The following HTR3A variants were observed in gnomAD, a reference collection of about 807,000 sequenced individuals.
HTR3A encodes the protein 5-hydroxytryptamine receptor 3A, also known as 5-hydroxytryptamine (serotonin) receptor 3A, ionotropic.
In HTR3A, 45 loss-of-function variants were observed where a neutral mutation model predicts 54.8. The ratio of observed to expected loss-of-function variants is 0.82; its 90% CI spans 0.65 to 1.05. The LOEUF (loss-of-function observed/expected upper bound fraction) is 1.05. Among genes scored for constraint, HTR3A ranks in the 50% least tolerant of loss-of-function variants. The probability of loss-of-function intolerance (pLI) is 0.00; values close to 1 mark genes in which losing one functional copy is unlikely to be tolerated. For missense variants in HTR3A, 657 were observed against 614.0 expected, an observed-to-expected ratio of 1.07 and a Z score of -0.74; for synonymous variants, 297 against 256.0, an observed-to-expected ratio of 1.16 and a Z score of -1.53.
In HTR3A at chr11:113,989,917, C is replaced by A; in HGVS notation, c.*154C>A. The A allele has an allele frequency of 2.3e-6, 2 of 881,214 alleles. No homozygotes were observed. Among genetic ancestry groups the A allele is most frequent in the Non-Finnish European group, 1.8e-6 (1 of 547,432 alleles). 54.6% of individuals were successfully genotyped at this position (881,214 alleles called of 1,614,324 possible). A position where few individuals can be genotyped will look rare whatever the true frequency, so the allele number is the denominator to read the frequency against. ...TGTTTCCAATGCCAATTCATCTCAGCAATCACAAGCCAAGGTCTGAACCCT... is the reference window on the plus strand; with the variant it reads ...TGTTTCCAATGCCAATTCATCTCAGAAATCACAAGCCAAGGTCTGAACCCT... On this transcript the variant is annotated 3_prime_UTR_variant, in exon 9 of 9. Coordinates refer to ENST00000504030, the MANE Select transcript of HTR3A (RefSeq NM_000869.6). This position sits in a 1 kb window ranked among gnomAD's most constrained non-coding sequence, Gnocchi z 4.4.
At position 113,989,965 on chromosome 11, in the gene HTR3A, A is replaced by G. The variant is rs909147793; in HGVS notation, c.*202A>G. 2.8e-6 allele frequency: 2 copies of G among 708,820 alleles called. No individual in the cohort carries two copies. Among genetic ancestry groups the G allele is most frequent in the Non-Finnish European group, 2.5e-6 (1 of 395,266 alleles). The allele number at this position is 708,820 out of a possible 1,614,324, so 43.9% of individuals were successfully genotyped here. A position where few individuals can be genotyped will look rare whatever the true frequency, so the allele number is the denominator to read the frequency against. On this transcript the variant is annotated 3_prime_UTR_variant, in exon 9 of 9. Coordinates refer to ENST00000504030, the MANE Select transcript of HTR3A (RefSeq NM_000869.6). The surrounding 1 kb of genome is among the most constrained non-coding windows in gnomAD (Gnocchi z 4.4). ...CCTTCCACCAAAAACTGGGTGTTCA[A>G]GGCCCTTACACCCTTGTCCCACCCC...
chr11:113,989,342 G>A lies in HTR3A; in HGVS notation c.1139-123G>A. Reference sequence around the variant, plus strand: ...CACACCACTGCCCTCCAGCCTGGGTGACAGAGTGAGAAAAAAAAAGTTATT... The same window carrying A: ...CACACCACTGCCCTCCAGCCTGGGTAACAGAGTGAGAAAAAAAAAGTTATT... On this transcript the variant is annotated intron_variant, in intron 8 of 8. Transcript: ENST00000504030. The surrounding 1 kb of genome is among the most constrained non-coding windows in gnomAD (Gnocchi z 4.4). 9.3e-7 allele frequency: 1 copy of A among 1,071,718 alleles called. No individual in the cohort carries two copies. The highest frequency in any genetic ancestry group is 1.4e-6 in the Non-Finnish European group (1 of 701,740). The allele number at this position is 1,071,718 out of a possible 1,614,324, so 66.4% of individuals were successfully genotyped here.
In HTR3A at chr11:113,975,351, T is replaced by G; in HGVS notation, c.26T>G (p.Leu9Arg). Residue 9 changes from leucine to arginine, a missense_variant, in exon 1 of 9, where the codon CTG (leucine) becomes CGG (arginine). Leu to Arg is a moderately radical substitution (Grantham distance 102, BLOSUM62 -2). Transcript: ENST00000504030. ...ATGCTGCTGTGGGTCCAGCAGGCGC[T>G]GCTCGCCTTGCTCCTCCCCACACTC... MLLWVQQA[L>R]LALLLPTLLA... The G allele has an allele frequency of 1.2e-6, 2 of 1,613,356 alleles. No individual in the cohort carries two copies. Among genetic ancestry groups the G allele is most frequent in the Non-Finnish European group, 1.7e-6 (2 of 1,180,012 alleles).
chr11:113,989,556 G>A lies in HTR3A; in HGVS notation c.1230G>A (p.Glu410=), dbSNP rs1335135753. 1 of 1,614,094 alleles carries A rather than the reference G, an allele frequency of 6.2e-7. No homozygotes were observed. Among genetic ancestry groups the A allele is most frequent in the Non-Finnish European group, 8.5e-7 (1 of 1,180,046 alleles). ...GTAGCCCTCCCCCACCACCTCGGGAGGCCTCGCTGGCGGTGTGTGGGCTGC... is the reference window on the plus strand; with the variant it reads ...GTAGCCCTCCCCCACCACCTCGGGAAGCCTCGCTGGCGGTGTGTGGGCTGC... The part of the protein sequence containing the change: ...DRCSPPPPPR[E]ASLAVCGLLQ... Residue 410 remains glutamate (E), a synonymous_variant, in exon 9 of 9, where the codon GAG becomes GAA. Transcript: ENST00000504030. This position sits in a 1 kb window ranked among gnomAD's most constrained non-coding sequence, Gnocchi z 4.4.
intron 4 of HTR3A, among the ~76,000 whole-genome samples, chr11:113,981,670 A>C (rs561764340): frequency 6.6e-6 from 1 of 152,128 alleles, no homozygotes; most frequent in Non-Finnish European, 1.5e-5. Flanking sequence ...AAAAAAATGG[A>C]GCACTTGGCC....
intron 3 of HTR3A, 120 bp downstream of exon 3, chr11:113,979,397 A>ACAC: frequency 1.3e-6 from 1 of 766,176 alleles, no homozygotes; most frequent in Non-Finnish European, 2.3e-6. Context: ...GGGCACCCTC[A>ACAC]GCCTGAGATC....
chr11:113,981,007 T>C (rs1319063643), intron 3 of HTR3A, 196 bp from the exon 4 acceptor site: 9 of 600,728 alleles, frequency 1.5e-5, no homozygotes, highest in Admixed American at 5.1e-5. Context: ...TTGTTATGTG[T>C]GGAGGCAGAG....
At position 113,986,596 on chromosome 11, in the gene HTR3A, G is replaced by A. The variant is rs967772544; in HGVS notation, c.784G>A (p.Val262Met). 23 of 1,613,528 alleles carry A rather than the reference G, an allele frequency of 1.4e-5. No homozygotes were observed. The highest frequency in any genetic ancestry group is 3.3e-5 in the Admixed American group (2 of 60,020). Residue 262 changes from valine to methionine, a missense_variant, in exon 7 of 9, where the codon GTG (valine) becomes ATG (methionine). By Grantham distance (21) the Val-to-Met change is conservative (BLOSUM62 1). Transcript: ENST00000504030. ...PSIFLMVMDIVGFYLPPNSGE... is the reference protein window; with the variant it reads ...PSIFLMVMDIMGFYLPPNSGE... ...CATCTTCCTCATGGTCATGGACATC[G>A]TGGGCTTCTACCTGCCCCCCAACAG...
At position 113,990,185 on chromosome 11, in the gene HTR3A, A is replaced by G. The variant is rs1195003386; in HGVS notation, c.*422A>G. On this transcript the variant is annotated 3_prime_UTR_variant, in exon 9 of 9. Coordinates refer to ENST00000504030, the MANE Select transcript of HTR3A (RefSeq NM_000869.6). Reference sequence around the variant, plus strand: ...AACTCTCTACTACACAGGCCTGATAACTCTGTACGAGGCTTCTCTAACCCC... The same window carrying G: ...AACTCTCTACTACACAGGCCTGATAGCTCTGTACGAGGCTTCTCTAACCCC... 4.4e-6 allele frequency: 2 copies of G among 456,742 alleles called. No individual in the cohort carries two copies. The highest frequency in any genetic ancestry group is 8.7e-6 in the Non-Finnish European group (2 of 228,904). The allele number at this position is 456,742 out of a possible 1,614,324, so 28.3% of individuals were successfully genotyped here.
rs2137584943 is a variant in HTR3A, at chr11:113,986,805, C to T, written c.917-20C>T. The T allele has an allele frequency of 6.2e-7, 1 of 1,614,156 alleles. No individual in the cohort carries two copies. Among genetic ancestry groups the T allele is most frequent in the Non-Finnish European group, 8.5e-7 (1 of 1,180,020 alleles). ...CCCACCTCCTGCATGTGTCTCTTGC[C>T]TCTGCCCTGGGCTGCACAGGTGTCT... On this transcript the variant is annotated intron_variant, in intron 7 of 8. Transcript: ENST00000504030.
intron 1 of HTR3A, chr11:113,977,421 T>C (rs546438774): frequency 1.3e-6 from 1 of 792,098 alleles, no homozygotes; most frequent in East Asian, 2.7e-5. Flanking sequence ...AGCTTCCTTG[T>C]TGCTCCCCAG....
At chr11:113,987,488 T>A (rs921093967) in intron 8 of HTR3A, among the ~76,000 whole-genome samples, 4 of 152,136 alleles carry the variant, frequency 2.6e-5, no homozygotes, top group African/African-American at 7.2e-5. Context: ...ATCCCAGCAC[T>A]TTGGGAGGCC....
In HTR3A at chr11:113,975,267, G is replaced by T; in HGVS notation, c.-59G>T. The stretch of plus-strand genomic sequence containing the variant: ...AGGTTGGCAGAGGGCAGGCAAGCTG[G>T]CCCTTGGTGGGCCTCGTCCTGAGCA... On this transcript the variant is annotated 5_prime_UTR_variant, in exon 1 of 9. Coordinates refer to ENST00000504030, the MANE Select transcript of HTR3A (RefSeq NM_000869.6). The T allele has an allele frequency of 6.4e-7, 1 of 1,573,150 alleles. No homozygotes were observed. The highest frequency in any genetic ancestry group is 8.7e-7 in the Non-Finnish European group (1 of 1,148,406).
chr11:113,988,021 T>C (rs1950512624), intron 8 of HTR3A, among the ~76,000 whole-genome samples: 2 of 152,220 alleles, frequency 1.3e-5, no homozygotes, highest in African/African-American at 4.8e-5. Context: ...CTATAGAGAA[T>C]TTGCTTGTCC....
chr11:113,984,125 C>T (rs532849385), intron 5 of HTR3A, among the ~76,000 whole-genome samples: 38 of 152,140 alleles, frequency 2.5e-4, no homozygotes, highest in Non-Finnish European at 4.7e-4. Flanking sequence ...CCCACAGCTG[C>T]TCCCCCCAAC....
In HTR3A at chr11:113,986,659, G is replaced by A. The variant is rs1950496088; in HGVS notation, c.847G>A (p.Gly283Ser). The A allele has an allele frequency of 6.2e-7, 1 of 1,613,952 alleles. No individual in the cohort carries two copies. Among genetic ancestry groups the A allele is most frequent in the South Asian group, 1.1e-5 (1 of 91,064 alleles). The part of the protein sequence containing the change: ...RVSFKITLLL[G>S]YSVFLIIVSD... Reference sequence around the variant, plus strand: ...CTCTTTCAAGATTACACTCCTCCTGGGCTACTCGGTCTTCCTGATCATCGT... The same window carrying A: ...CTCTTTCAAGATTACACTCCTCCTGAGCTACTCGGTCTTCCTGATCATCGT... Residue 283 changes from glycine to serine, a missense_variant, in exon 7 of 9, where the codon GGC (glycine) becomes AGC (serine). Physicochemically the swap from Gly to Ser is moderately conservative, Grantham distance 56 (BLOSUM62 0). Coordinates refer to ENST00000504030, the MANE Select transcript of HTR3A (RefSeq NM_000869.6).
chr11:113,979,087 T>C, intron 2 of HTR3A, 146 bp from the exon 3 acceptor site: 3 of 709,814 alleles, frequency 4.2e-6, no homozygotes. Flanking sequence ...CCAGTCTATC[T>C]ACTTTCCCGA....
chr11:113,981,291 C>T lies in HTR3A; in HGVS notation c.353C>T (p.Pro118Leu), dbSNP rs777621564. ...ATCCCCACGGACAGCATCTGGGTCC[C>T]GGACATTCTCATCAATGAGTTGTGA... ...LSIPTDSIWV[P>L]DILINEFVDV... The change falls in exon 4 of 9, where the codon CCG becomes CTG. Residue 118 changes from proline to leucine, a missense_variant. By Grantham distance (98) the Pro-to-Leu change is moderately conservative. Transcript: ENST00000504030. 2.0e-5 allele frequency: 33 copies of T among 1,611,764 alleles called. No homozygotes were observed. Among genetic ancestry groups the T allele is most frequent in the East Asian group, 8.9e-5 (4 of 44,886 alleles).
At chr11:113,978,009 G>A in intron 2 of HTR3A, 87 bp downstream of exon 2, 1 of 1,508,768 alleles carries the variant, frequency 6.6e-7, no homozygotes, top group Non-Finnish European at 9.2e-7. Context: ...TATGCAGCTT[G>A]TTAGGCATTT....
Sources: gnomAD v4.1 joint callset for allele counts (sites outside exome capture counted in the v4.1 genomes callset) on GRCh38, gnomAD v4.1.1 for gene constraint, Gnocchi (gnomAD v3.1) non-coding constraint, MANE v1.5 for transcripts, NCBI Gene and HGNC (gene_info 2026-07-23, HGNC 2026-07-21) for gene names.